SIPA1L3: variants seen among roughly 807,000 people sequenced by gnomAD.
The protein encoded by SIPA1L3 is signal induced proliferation associated 1 like 3, also known as signal-induced proliferation-associated 1-like protein 3.
A neutral mutation model predicts 150.1 loss-of-function variants in SIPA1L3; 59 were observed. The observed-to-expected ratio is 0.39, with a 90% CI of 0.32 to 0.49. The LOEUF (loss-of-function observed/expected upper bound fraction) is 0.49, where lower values mean the gene tolerates loss of function less well. Ranked by LOEUF, SIPA1L3 falls within the 20% of genes least tolerant of loss-of-function variation. The probability of loss-of-function intolerance (pLI) is 0.86; values close to 1 mark genes in which losing one functional copy is unlikely to be tolerated. For missense variants in SIPA1L3, 2,211 were observed against 2,489.5 expected (o/e 0.89, Z 2.38); for synonymous variants, 1,070 against 1,077.6 (o/e 0.99, Z 0.14).
chr19:37,945,529 G>A (rs1456977538), intron 1 of SIPA1L3, among the ~76,000 whole-genome samples: 4 of 151,934 alleles, frequency 2.6e-5, no homozygotes, highest in African/African-American at 4.8e-5. Flanking sequence ...GAGCCACCGC[G>A]CCCAGCCAGC....
intron 1 of SIPA1L3, among the ~76,000 whole-genome samples, chr19:38,003,146 T>C (rs1036879362): frequency 6.6e-6 from 1 of 151,806 alleles, no homozygotes; most frequent in Non-Finnish European, 1.5e-5. Flanking sequence ...TCTCAAAAGA[T>C]AAAATAAAAA....
intron 6 of SIPA1L3, among the ~76,000 whole-genome samples, chr19:38,102,852 T>A (rs762687262): frequency 6.6e-6 from 1 of 151,806 alleles, no homozygotes; most frequent in Non-Finnish European, 1.5e-5. Context: ...AGGCCGGGCA[T>A]GGTGGCTCAT....
rs1044249772 is a variant in SIPA1L3 at position 38,047,935 on chromosome 19, G to A, written c.-311+18779G>A. ...CAGGAGAAATACAACATGGGAAACC[G>A]GCGGTAACTCCACTGTGGTAAAGGA... On this transcript the variant is annotated intron_variant, in intron 2 of 21. Coordinates refer to ENST00000222345, the MANE Select transcript of SIPA1L3 (RefSeq NM_015073.3). The surrounding 1 kb of genome is among the most constrained non-coding windows in gnomAD (Gnocchi z 4.7). Among the ~76,000 whole-genome samples, 2 of 152,124 alleles carry A rather than the reference G, an allele frequency of 1.3e-5. No individual in the cohort carries two copies. The highest frequency in any genetic ancestry group is 6.6e-5 in the Admixed American group (1 of 15,260).
chr19:38,002,701 G>T (rs942437108), intron 1 of SIPA1L3, among the ~76,000 whole-genome samples: 1 of 114,476 alleles, frequency 8.7e-6, no homozygotes, highest in Non-Finnish European at 1.6e-5. Flanking sequence ...CCTGGTGACA[G>T]AGCGAGACTC....
chr19:38,181,373 C>T (rs1480345443), intron 15 of SIPA1L3, among the ~76,000 whole-genome samples: 2 of 152,124 alleles, frequency 1.3e-5, no homozygotes, highest in African/African-American at 2.4e-5. Flanking sequence ...TGGCACATGC[C>T]GTGTTCCCAG....
At chr19:38,041,373 G>A (rs1218072645) in intron 2 of SIPA1L3, among the ~76,000 whole-genome samples, 12 of 144,460 alleles carry the variant, frequency 8.3e-5, no homozygotes, top group Admixed American at 2.1e-4. Flanking sequence ...CCGCCTCCCG[G>A]GTTCAAGCGA....
At chr19:38,187,951 G>A (rs911067649) in intron 16 of SIPA1L3, among the ~76,000 whole-genome samples, 4 of 151,366 alleles carry the variant, frequency 2.6e-5, no homozygotes, top group Admixed American at 6.6e-5. Flanking sequence ...AGCCGAGATC[G>A]TGCCACTGCA....
Position 38,119,417 on chromosome 19 carries a change from T to G in SIPA1L3, c.2403T>G (p.Ile801Met). The change falls in exon 9 of 22, where the codon ATT (isoleucine) becomes ATG (methionine). Residue 801 changes from isoleucine to methionine, a missense_variant. Ile to Met is a conservative substitution (Grantham distance 10). Around this residue, in one of 5 missense-constraint regions of SIPA1L3, gnomAD observed 625 missense variants for 804.2 expected, o/e 0.78. Transcript: ENST00000222345. ...VFRDFLLAKV[I>M]NAENAAHKSD... ...GAGACTTCTTGCTGGCCAAGGTGAT[T>G]AACGCTGAGAACGCCGCGCACAAGT... 6.2e-7 allele frequency: 1 copy of G among 1,613,946 alleles called. No individual in the cohort carries two copies. Among genetic ancestry groups the G allele is most frequent in the Non-Finnish European group, 8.5e-7 (1 of 1,179,996 alleles).
chr19:38,076,897 G>T (rs1217875513), intron 2 of SIPA1L3, among the ~76,000 whole-genome samples: 3 of 152,152 alleles, frequency 2.0e-5, no homozygotes, highest in Non-Finnish European at 2.9e-5. Flanking sequence ...ATCTCGTGTT[G>T]CAAATGCAGC....
chr19:38,095,620 G>T (rs560273022), intron 4 of SIPA1L3, among the ~76,000 whole-genome samples: 104 of 152,310 alleles, frequency 6.8e-4, no homozygotes, highest in African/African-American at 2.5e-3. Context: ...TCAGGCAGCT[G>T]TAGAAAGAAT....
Position 38,130,604 on chromosome 19 carries a change from A to C in SIPA1L3, c.2975A>C (p.Asp992Ala), listed in dbSNP as rs780672632. The C allele has an allele frequency of 1.2e-5, 19 of 1,613,626 alleles. No individual in the cohort carries two copies. The highest frequency in any genetic ancestry group is 2.7e-5 in the African/African-American group (2 of 74,932). ...GACGGCACGGTGGCCGAGGTTGAGG[A>C]CTATGGGTTCGCCTGGCAGGCCGGC... ...KYDGTVAEVEDYGFAWQAGLR... is the reference protein window; with the variant it reads ...KYDGTVAEVEAYGFAWQAGLR... The change falls in exon 10 of 22, where the codon GAC becomes GCC. Residue 992 changes from aspartate (D) to alanine (A), a missense_variant. Around this residue, in one of 5 missense-constraint regions of SIPA1L3, gnomAD observed 625 missense variants for 804.2 expected, o/e 0.78. Transcript: ENST00000222345.
intron 6 of SIPA1L3, among the ~76,000 whole-genome samples, chr19:38,105,037 A>C (rs61456950): frequency 0.029 from 4,419 of 151,876 alleles, 208 homozygotes; most frequent in African/African-American, 0.1. Context: ...CCCGCCAGAC[A>C]CTGAGGCAGC....
At chr19:38,159,213 C>T (rs903715787) in intron 13 of SIPA1L3, among the ~76,000 whole-genome samples, 1 of 152,232 alleles carries the variant, frequency 6.6e-6, no homozygotes, top group Admixed American at 6.5e-5. Flanking sequence ...AGACCACATC[C>T]AGCCAGGCCA....
intron 1 of SIPA1L3, among the ~76,000 whole-genome samples, chr19:38,000,806 G>C (rs1225978004): frequency 6.8e-6 from 1 of 148,118 alleles, no homozygotes; most frequent in Admixed American, 6.8e-5. Context: ...TGTCTTAACA[G>C]TGGTTGCCCT....
At chr19:37,946,327 C>G in intron 1 of SIPA1L3, among the ~76,000 whole-genome samples, 1 of 151,992 alleles carries the variant, frequency 6.6e-6, no homozygotes, top group Non-Finnish European at 1.5e-5. Context: ...GAGATGGGGT[C>G]TTGCTCTGTT....
At chr19:37,969,509 G>C (rs1159550361) in intron 1 of SIPA1L3, among the ~76,000 whole-genome samples, 1 of 151,864 alleles carries the variant, frequency 6.6e-6, no homozygotes, top group Admixed American at 6.6e-5. Context: ...CTGAGATTGT[G>C]CCACTGCACT....
chr19:38,039,979 G>A (rs1197494510), intron 2 of SIPA1L3, among the ~76,000 whole-genome samples: 1 of 152,118 alleles, frequency 6.6e-6, no homozygotes, highest in Non-Finnish European at 1.5e-5. Context: ...CAAGTGTGGT[G>A]GTGTGTGCCT....
chr19:38,074,769 G>A (rs780549778), intron 2 of SIPA1L3, among the ~76,000 whole-genome samples: 1 of 152,190 alleles, frequency 6.6e-6, no homozygotes, highest in Non-Finnish European at 1.5e-5. Context: ...TGTTGTTGTT[G>A]TTGTTTGATT....
chr19:38,028,484 C>T lies in SIPA1L3; in HGVS notation c.-378-605C>T, dbSNP rs146514247. ...GTCCCCTCGTCCGGGAGGCCTTCCC[C>T]GAGCTCTCCGTTTAAGGTCACAGTC... On this transcript the variant is annotated intron_variant, in intron 1 of 21. Coordinates refer to ENST00000222345, the MANE Select transcript of SIPA1L3 (RefSeq NM_015073.3). 1.4e-3 allele frequency among the ~76,000 whole-genome samples: 215 copies of T among 152,196 alleles called. 1 individual carries two copies. Among genetic ancestry groups the T allele is most frequent in the African/African-American group, 4.4e-3 (184 of 41,534 alleles).
Sources: gnomAD v4.1 joint callset for allele counts (sites outside exome capture counted in the v4.1 genomes callset) on GRCh38, gnomAD v4.1.1 for gene constraint, gnomAD v4.1.1 regional missense constraint, Gnocchi (gnomAD v3.1) non-coding constraint, MANE v1.5 for transcripts, NCBI Gene and HGNC (gene_info 2026-07-23, HGNC 2026-07-21) for gene names.